Variants in ZMIZ2 observed in about 807,000 individuals in gnomAD.
ZMIZ2 encodes zinc finger MIZ domain-containing protein 2.
A neutral mutation model predicts 93.9 loss-of-function variants in ZMIZ2; 26 were observed. The observed-to-expected ratio is 0.28, with a 90% CI of 0.20 to 0.38. The LOEUF (loss-of-function observed/expected upper bound fraction) is 0.38. Ranked by LOEUF, ZMIZ2 falls within the 10% of genes least tolerant of loss-of-function variation. The pLI is 1.00. For synonymous variants in ZMIZ2, 485 were observed against 516.4 expected, an observed-to-expected ratio of 0.94 and a Z score of 0.82; for missense variants, 1,023 against 1,235.0, an observed-to-expected ratio of 0.83 and a Z score of 2.57.
rs761907845 is a variant in ZMIZ2, at chr7:44,760,440, C to A, written c.1087C>A (p.Pro363Thr). 1 of 1,614,052 alleles carries A rather than the reference C, an allele frequency of 6.2e-7. No individual in the cohort carries two copies. Among genetic ancestry groups the A allele is most frequent in the Non-Finnish European group, 8.5e-7 (1 of 1,179,974 alleles). Residue 363 changes from proline to threonine, a missense_variant, in exon 9 of 19, where the codon CCG becomes ACG. Transcript: ENST00000309315. ...PGLSGPTRSI[P>T]GYPSSPLPGN... Reference sequence around the variant, plus strand: ...AACCCTACAGCCTACCCGTTCCATCCCGGGCTATCCCAGTTCCCCACTGCC... The same window carrying A: ...AACCCTACAGCCTACCCGTTCCATCACGGGCTATCCCAGTTCCCCACTGCC...
At position 44,767,510 on chromosome 7, in the gene ZMIZ2, C is replaced by A. The variant is rs773976093; in HGVS notation, c.2656-6C>A. On this transcript the variant is annotated splice_region_variant and splice_polypyrimidine_tract_variant and intron_variant, in intron 18 of 18. Transcript: ENST00000309315. ...AAGCTGCTAACAGAGTTCACTTTGT[C>A]CTCAGCTGCTCCCGGAACTGACCAA... The A allele has an allele frequency of 3.7e-6, 6 of 1,612,886 alleles. No individual in the cohort carries two copies. The highest frequency in any genetic ancestry group is 4.2e-6 in the Non-Finnish European group (5 of 1,178,910).
chr7:44,756,134 G>C, intron 1 of ZMIZ2, 54 bp from the exon 2 acceptor site: 1 of 1,476,858 alleles, frequency 6.8e-7, no homozygotes, highest in Non-Finnish European at 9.4e-7. Context: ...CCACCCTGCT[G>C]AAAGGGTCTC....
chr7:44,760,153 C>T lies in ZMIZ2; in HGVS notation c.996C>T (p.Pro332=), dbSNP rs751534313. Residue 332 remains proline (P), a splice_region_variant and synonymous_variant, in exon 8 of 19, where the codon CCC becomes CCT. Transcript: ENST00000309315. ...VPGPTGLHYK[P]TEQFNGQGAS... is the part of the protein sequence containing the mutation. ...GCATGCAGTTTTCTCTCCCGCAGCC[C>T]ACAGAGCAGTTCAACGGGCAGGGCG... is the stretch of plus-strand genomic sequence containing the variant. 58 of 1,613,802 alleles carry T rather than the reference C, an allele frequency of 3.6e-5. No homozygotes were observed. The highest frequency in any genetic ancestry group is 4.8e-5 in the Non-Finnish European group (57 of 1,179,986).
At chr7:44,756,813 C>G (rs1583621071) in intron 3 of ZMIZ2, 134 bp from the exon 4 acceptor site, 2 of 1,123,610 alleles carry the variant, frequency 1.8e-6, no homozygotes, top group East Asian at 4.7e-5. Context: ...TTCCCTGCTT[C>G]CCGTGCTATA....
chr7:44,753,443 ACT>A, intron 1 of ZMIZ2, among the ~76,000 whole-genome samples: 1 of 151,744 alleles, frequency 6.6e-6, no homozygotes, highest in East Asian at 1.9e-4. Flanking sequence ...CGGGGGTCTC[ACT>A]CTGTTGCCCA....
chr7:44,762,691 G>A (rs1191704370), intron 11 of ZMIZ2, among the ~76,000 whole-genome samples, 190 bp from the exon 12 acceptor site: 1 of 152,334 alleles, frequency 6.6e-6, no homozygotes, highest in Non-Finnish European at 1.5e-5. Flanking sequence ...GGCCAGGAAA[G>A]GCAGCTGGAT....
At position 44,760,700 on chromosome 7, in the gene ZMIZ2, C is replaced by T. The variant is rs1032934073; in HGVS notation, c.1240+107C>T. On this transcript the variant is annotated intron_variant, in intron 9 of 18. Transcript: ENST00000309315. ...TAGGAGCTTGGGGGACAGGGGATGG[C>T]TGCCATATCCCTAAGAAAAGGGCTG... 1.7e-5 allele frequency: 23 copies of T among 1,376,188 alleles called. No homozygotes were observed. The South Asian group carries it at 3.1e-4, about 19-fold the overall frequency. The allele number at this position is 1,376,188 out of a possible 1,614,324, so 85.2% of individuals were successfully genotyped here.
rs1383463184 is a variant in ZMIZ2 at position 44,761,967 on chromosome 7, C to T, written c.1596+62C>T. The T allele has an allele frequency of 4.7e-6, 7 of 1,484,870 alleles. No homozygotes were observed. The highest frequency in any genetic ancestry group is 6.3e-6 in the Non-Finnish European group (7 of 1,119,198). The allele number at this position is 1,484,870 out of a possible 1,614,324, so 92.0% of individuals were successfully genotyped here. On this transcript the variant is annotated intron_variant, in intron 11 of 18. Transcript: ENST00000309315. The surrounding 1 kb of genome is among the most constrained non-coding windows in gnomAD (Gnocchi z 5.8). ...TGGGGCGGGGTGTGGTGGGGCCTGG[C>T]CCAGCGGTGCCGTGGGGTGGGGCGG...
rs967989816 is a variant in ZMIZ2, at chr7:44,766,117, G to A, written c.2243-47G>A. 9.8e-6 allele frequency: 15 copies of A among 1,538,042 alleles called. No individual in the cohort carries two copies. Among genetic ancestry groups the A allele is most frequent in the South Asian group, 6.2e-5 (5 of 80,182 alleles). ...CCTCCCTCCTGGCTCCTCTGCCAGCGGTGGCCTTCCCCAGCCCTCACCCAG... is the reference window on the plus strand; with the variant it reads ...CCTCCCTCCTGGCTCCTCTGCCAGCAGTGGCCTTCCCCAGCCCTCACCCAG... On this transcript the variant is annotated intron_variant, in intron 16 of 18. Coordinates refer to ENST00000309315, the MANE Select transcript of ZMIZ2 (RefSeq NM_031449.4). The surrounding 1 kb of genome is among the most constrained non-coding windows in gnomAD (Gnocchi z 4.4).
chr7:44,760,671 C>A, intron 9 of ZMIZ2, 78 bp downstream of exon 9: 3 of 1,539,702 alleles, frequency 1.9e-6, no homozygotes, highest in Non-Finnish European at 2.6e-6. Flanking sequence ...TCCAGAGAGT[C>A]CTGTAGGAGC....
At chr7:44,759,713 A>G (rs569371566) in intron 7 of ZMIZ2, 9 of 453,322 alleles carry the variant, frequency 2.0e-5, no homozygotes, top group South Asian at 4.3e-5. Context: ...CAAGATTCAT[A>G]TATCTCAGGG....
chr7:44,761,938 G>A lies in ZMIZ2; in HGVS notation c.1596+33G>A. 6.3e-7 allele frequency: 1 copy of A among 1,589,048 alleles called. No individual in the cohort carries two copies. The highest frequency in any genetic ancestry group is 8.5e-7 in the Non-Finnish European group (1 of 1,171,434). The stretch of plus-strand genomic sequence containing the variant: ...TCCTGCGCCGAGGGGGCGGTGCTGT[G>A]GCGTGGGGCGGGGTGTGGTGGGGCC... On this transcript the variant is annotated intron_variant, in intron 11 of 18. Coordinates refer to ENST00000309315, the MANE Select transcript of ZMIZ2 (RefSeq NM_031449.4). This position sits in a 1 kb window ranked among gnomAD's most constrained non-coding sequence, Gnocchi z 5.8.
Position 44,760,532 on chromosome 7 carries a change from C to A in ZMIZ2, c.1179C>A (p.Val393=). The A allele has an allele frequency of 6.2e-7, 1 of 1,614,162 alleles. No individual in the cohort carries two copies. The highest frequency in any genetic ancestry group is 2.2e-5 in the East Asian group (1 of 44,882). The change falls in exon 9 of 19, where the codon GTC becomes GTA. Residue 393 remains valine (V), a synonymous_variant. Transcript: ENST00000309315. ...SVPYMSPNQE[V]KSPFLPDLKP... ...CTTACATGTCACCAAACCAAGAGGT[C>A]AAGTCTCCCTTCTTGCCTGATCTCA...
At position 44,760,178 on chromosome 7, in the gene ZMIZ2, G is replaced by A. The variant is rs1424925109; in HGVS notation, c.1021G>A (p.Ala341Thr). The A allele has an allele frequency of 9.9e-6, 16 of 1,613,756 alleles. No homozygotes were observed. The highest frequency in any genetic ancestry group is 4.5e-5 in the East Asian group (2 of 44,876). ...KPTEQFNGQGASFNGGSVSYS... is the reference protein window; with the variant it reads ...KPTEQFNGQGTSFNGGSVSYS... ...CACAGAGCAGTTCAACGGGCAGGGC[G>A]CCAGCTTCAACGGGGGCAGCGTCAG... The change falls in exon 8 of 19, where the codon GCC becomes ACC. Residue 341 changes from alanine to threonine, a missense_variant. Around this residue, in one of 3 missense-constraint regions of ZMIZ2, gnomAD observed 656 missense variants for 777.1 expected, o/e 0.84. Coordinates refer to ENST00000309315, the MANE Select transcript of ZMIZ2 (RefSeq NM_031449.4).
rs942573835 is a variant in ZMIZ2, at chr7:44,768,846, T to C, written c.*1223T>C. On this transcript the variant is annotated 3_prime_UTR_variant, in exon 19 of 19. Coordinates refer to ENST00000309315, the MANE Select transcript of ZMIZ2 (RefSeq NM_031449.4). ...GCTTTTGGGGCCCCAGGTTGAGCTC[T>C]GGATGTTTCAAGCCAAGGCTCGGCT... is the stretch of plus-strand genomic sequence containing the variant. 69 of 152,382 alleles carry C rather than the reference T, an allele frequency of 4.5e-4. No individual in the cohort carries two copies. Among genetic ancestry groups the C allele is most frequent in the African/African-American group, 1.6e-3 (66 of 41,582 alleles). The allele number at this position is 152,382 out of a possible 1,614,324, so 9.4% of individuals were successfully genotyped here.
At chr7:44,750,299 C>T (rs1003696457) in intron 1 of ZMIZ2, among the ~76,000 whole-genome samples, 1 of 152,198 alleles carries the variant, frequency 6.6e-6, no homozygotes, top group Non-Finnish European at 1.5e-5. Flanking sequence ...TTTTGATGAA[C>T]TCTGCATCCT....
At chr7:44,759,549 G>T in intron 7 of ZMIZ2, 89 bp downstream of exon 7, 1 of 1,126,760 alleles carries the variant, frequency 8.9e-7, no homozygotes. Flanking sequence ...CCTCGAGAGC[G>T]ACAGGGTGGC....
At chr7:44,753,968 A>G (rs1790373482) in intron 1 of ZMIZ2, among the ~76,000 whole-genome samples, 1 of 152,184 alleles carries the variant, frequency 6.6e-6, no homozygotes, top group Admixed American at 6.5e-5. Context: ...CCTTTGTCAG[A>G]CATTGTTTGG....
In ZMIZ2 at chr7:44,767,707, C is replaced by T. The variant is rs1791860954; in HGVS notation, c.*84C>T. On this transcript the variant is annotated 3_prime_UTR_variant, in exon 19 of 19. Transcript: ENST00000309315. Reference sequence around the variant, plus strand: ...CCTTCATGCCCAGCCCCATGGGACACCCGGTGGTCTTTCCCAAACCTCCCC... The same window carrying T: ...CCTTCATGCCCAGCCCCATGGGACATCCGGTGGTCTTTCCCAAACCTCCCC... 7.8e-7 allele frequency: 1 copy of T among 1,275,478 alleles called. No homozygotes were observed. The allele number at this position is 1,275,478 out of a possible 1,614,324, so 79.0% of individuals were successfully genotyped here. A position where few individuals can be genotyped will look rare whatever the true frequency, so the allele number is the denominator to read the frequency against.
Sources: gnomAD v4.1 joint callset for allele counts (sites outside exome capture counted in the v4.1 genomes callset) on GRCh38, gnomAD v4.1.1 for gene constraint, gnomAD v4.1.1 regional missense constraint, Gnocchi (gnomAD v3.1) non-coding constraint, MANE v1.5 for transcripts, NCBI Gene and HGNC (gene_info 2026-07-23, HGNC 2026-07-21) for gene names.